Variants in LCP1 observed in about 807,000 individuals in gnomAD.
The protein encoded by LCP1 is lymphocyte cytosolic protein 1, also known as plastin-2.
Under a neutral mutation model 72.0 loss-of-function variants are expected in LCP1, and 23 were observed. The ratio of observed to expected loss-of-function variants is 0.32; its 90% CI spans 0.23 to 0.45. LCP1 has a LOEUF of 0.45. Among genes scored for constraint, LCP1 ranks in the 20% least tolerant of loss-of-function variants. The pLI is 1.00. For missense variants in LCP1, 571 were observed against 748.3 expected (o/e 0.76, Z 2.76); for synonymous variants, 245 against 275.4 (o/e 0.89, Z 1.09).
At chr13:46,159,559 A>G in intron 2 of LCP1, 40 bp downstream of exon 2, 1 of 1,529,500 alleles carries the variant, frequency 6.5e-7, no homozygotes, top group Non-Finnish European at 9.1e-7. Context: ...TACTCAGTGA[A>G]GAAGAGAATG....
intron 14 of LCP1, among the ~76,000 whole-genome samples, chr13:46,133,364 C>T (rs187770577): frequency 5.9e-5 from 9 of 152,310 alleles, no homozygotes; most frequent in African/African-American, 1.9e-4. Context: ...TGGCTCACGC[C>T]TATAATCCCA....
At chr13:46,147,191 A>C (rs2138241646) in intron 9 of LCP1, 88 bp from the exon 10 acceptor site, 51 of 1,144,616 alleles carry the variant, frequency 4.5e-5, no homozygotes, top group Non-Finnish European at 5.4e-5. Flanking sequence ...TGGGAATCTC[A>C]CTGAAATCAT....
Position 46,151,077 on chromosome 13 carries a change from A to T in LCP1, c.741T>A (p.Ala247=), listed in dbSNP as rs1407725313. 1.2e-6 allele frequency: 2 copies of T among 1,604,606 alleles called. No homozygotes were observed. Among genetic ancestry groups the T allele is most frequent in the South Asian group, 2.2e-5 (2 of 89,756 alleles). ...FADIELSRNE[A]LIALLREGES... is the part of the protein sequence containing the mutation. ...CACCTTCTCTCAAAAGAGCAATCAG[A>T]GCTGAAGAAGCACAAAAACCACAGA... is the stretch of plus-strand genomic sequence containing the variant. Residue 247 remains alanine (A), a splice_region_variant and synonymous_variant, in exon 8 of 16, where the codon GCT becomes GCA. Coordinates refer to ENST00000323076, the MANE Select transcript of LCP1 (RefSeq NM_002298.5).
At chr13:46,147,291 T>C (rs899381420) in intron 9 of LCP1, among the ~76,000 whole-genome samples, 188 bp from the exon 10 acceptor site, 1 of 152,228 alleles carries the variant, frequency 6.6e-6, no homozygotes, top group Non-Finnish European at 1.5e-5. Context: ...GTAAAAGGAA[T>C]CTCAGAGGTT....
At chr13:46,136,684 T>C (rs978945497) in intron 13 of LCP1, among the ~76,000 whole-genome samples, 5 of 152,206 alleles carry the variant, frequency 3.3e-5, no homozygotes, top group Non-Finnish European at 7.4e-5. Flanking sequence ...TATTTCCAGA[T>C]AGCATGCATA....
chr13:46,173,886 TCTTAA>T (rs2045915561), intron 1 of LCP1, among the ~76,000 whole-genome samples: 1 of 152,090 alleles, frequency 6.6e-6, no homozygotes, highest in Non-Finnish European at 1.5e-5. Context: ...TGTACAGCAA[TCTTAA>T]GAAAAGCCCA....
At chr13:46,141,005 G>A (rs2045694113) in intron 13 of LCP1, among the ~76,000 whole-genome samples, 1 of 152,202 alleles carries the variant, frequency 6.6e-6, no homozygotes, top group Non-Finnish European at 1.5e-5. Context: ...CAGAACCAGG[G>A]CTGGTGGGTA....
At chr13:46,176,875 TTGTGTGTGTGTGTG>T (rs58990974) in intron 1 of LCP1, among the ~76,000 whole-genome samples, 2 of 143,748 alleles carry the variant, frequency 1.4e-5, no homozygotes, top group Non-Finnish European at 3.1e-5. Context: ...GTGTGTTTAT[TTGTGTGTGTGTGTG>T]TGTGTGTGTG....
intron 1 of LCP1, among the ~76,000 whole-genome samples, chr13:46,165,635 G>C (rs2045872314): frequency 6.6e-6 from 1 of 152,142 alleles, no homozygotes; most frequent in African/African-American, 2.4e-5. Flanking sequence ...GGTTTCTTCA[G>C]CTCTGCCCGA....
At chr13:46,136,782 A>G (rs2138224485) in intron 13 of LCP1, among the ~76,000 whole-genome samples, 1 of 152,330 alleles carries the variant, frequency 6.6e-6, no homozygotes, top group Middle Eastern at 3.4e-3. Flanking sequence ...TGCTTGCTTC[A>G]TTAGGTCCTC....
intron 15 of LCP1, 115 bp downstream of exon 15, chr13:46,130,698 GC>G: frequency 8.0e-7 from 1 of 1,256,188 alleles, no homozygotes; most frequent in African/African-American, 1.6e-5. Context: ...AGAAGGAAAA[GC>G]ACGGATAGTG....
intron 1 of LCP1, among the ~76,000 whole-genome samples, chr13:46,165,766 A>G (rs780497539): frequency 1.3e-5 from 2 of 152,164 alleles, no homozygotes; most frequent in Non-Finnish European, 2.9e-5. Context: ...CTTCTGAATT[A>G]CTGCCCAAAT....
At chr13:46,130,588 G>GT (rs35095925) in intron 15 of LCP1, among the ~76,000 whole-genome samples, 230 of 142,842 alleles carry the variant, frequency 1.6e-3, no homozygotes, top group South Asian at 6.6e-3. Flanking sequence ...TTATTGGGTT[G>GT]TTTTTTTTTT....
chr13:46,147,747 T>A (rs900232447), intron 9 of LCP1, among the ~76,000 whole-genome samples: 1 of 152,212 alleles, frequency 6.6e-6, no homozygotes, highest in Non-Finnish European at 1.5e-5. Flanking sequence ...TGTAAGTGAC[T>A]CTTAACCCTA....
At chr13:46,138,716 G>T (rs1045845404) in intron 13 of LCP1, among the ~76,000 whole-genome samples, 45 of 152,220 alleles carry the variant, frequency 3.0e-4, no homozygotes, top group African/African-American at 9.4e-4. Flanking sequence ...GCATGATCTT[G>T]GCTCACTGCA....
chr13:46,156,407 C>A, intron 5 of LCP1, 31 bp downstream of exon 5: 1 of 1,606,778 alleles, frequency 6.2e-7, no homozygotes, highest in Non-Finnish European at 8.5e-7. Flanking sequence ...ATGGGCAATT[C>A]TTTGGAAACC....
chr13:46,174,540 T>A (rs1272799912), intron 1 of LCP1, among the ~76,000 whole-genome samples: 1 of 152,176 alleles, frequency 6.6e-6, no homozygotes, highest in Admixed American at 6.5e-5. Context: ...GATCTCTTCC[T>A]GATAGAACAT....
At chr13:46,172,616 A>G (rs1487497678) in intron 1 of LCP1, among the ~76,000 whole-genome samples, 2 of 152,188 alleles carry the variant, frequency 1.3e-5, no homozygotes, top group Non-Finnish European at 2.9e-5. Context: ...GACCTCCAGG[A>G]TGAGAGGTTG....
In LCP1 at chr13:46,136,378, G is replaced by A. The variant is rs569330112; in HGVS notation, c.1503-2128C>T. Among the ~76,000 whole-genome samples, 12 of 152,226 alleles carry A rather than the reference G, an allele frequency of 7.9e-5. 1 individual carries two copies. In the South Asian group the frequency reaches 2.5e-3, roughly 32 times the overall value. On this transcript the variant is annotated intron_variant, in intron 13 of 15. Coordinates refer to ENST00000323076, the MANE Select transcript of LCP1 (RefSeq NM_002298.5). The stretch of plus-strand genomic sequence containing the variant: ...GCATTGGTATCCACCGTGTGCCCTC[G>A]GACAGGGTCCATGTGCCCTGTTCAT...
Sources: gnomAD v4.1 joint callset for allele counts (sites outside exome capture counted in the v4.1 genomes callset) on GRCh38, gnomAD v4.1.1 for gene constraint, MANE v1.5 for transcripts, NCBI Gene and HGNC (gene_info 2026-07-23, HGNC 2026-07-21) for gene names.